PRPF31: variants seen among roughly 807,000 people sequenced by gnomAD.
The protein encoded by PRPF31 is pre-mRNA processing factor 31.
A neutral mutation model predicts 60.4 loss-of-function variants in PRPF31; 12 were observed. That is an observed-to-expected ratio of 0.20 (90% CI 0.13 to 0.32). PRPF31 has a LOEUF of 0.32. Ranked by LOEUF, PRPF31 falls within the 10% of genes least tolerant of loss-of-function variation. The pLI, the probability that PRPF31 is intolerant of heterozygous loss-of-function variation, is 1.00. For missense variants in PRPF31, 431 were observed against 687.1 expected, an observed-to-expected ratio of 0.63 and a Z score of 4.17; for synonymous variants, 287 against 287.9, an observed-to-expected ratio of 1.00 and a Z score of 0.03.
At chr19:54,121,501 T>C (rs2073788328) in intron 3 of PRPF31, among the ~76,000 whole-genome samples, 1 of 152,082 alleles carries the variant, frequency 6.6e-6, no homozygotes, top group Admixed American at 6.6e-5. Context: ...GGTACTCGGC[T>C]GTGGGTACAG....
intron 11 of PRPF31, among the ~76,000 whole-genome samples, chr19:54,128,673 C>T (rs1390460101): frequency 3.3e-5 from 5 of 152,094 alleles, no homozygotes; most frequent in African/African-American, 7.2e-5. Context: ...GCTGCACGGC[C>T]GCCCCGTCCC....
rs779761757 is a variant in PRPF31, at chr19:54,121,876, G to A, written c.255G>A (p.Glu85=). 3 of 1,611,946 alleles carry A rather than the reference G, an allele frequency of 1.9e-6. No homozygotes were observed. Among genetic ancestry groups the A allele is most frequent in the Admixed American group, 1.7e-5 (1 of 59,758 alleles). The stretch of plus-strand genomic sequence containing the variant: ...TCCTCACAGTGATGGGACCAGTGGA[G>A]GCCGCGCCTGAATACCGCGTCATCG... ...AKASEVMGPV[E]AAPEYRVIVD... The change falls in exon 4 of 14, where the codon GAG becomes GAA. Residue 85 remains glutamate, a synonymous_variant. Coordinates refer to ENST00000321030, the MANE Select transcript of PRPF31 (RefSeq NM_015629.4).
At chr19:54,129,582 C>T (rs1029683089) in intron 13 of PRPF31, among the ~76,000 whole-genome samples, 3 of 145,110 alleles carry the variant, frequency 2.1e-5, no homozygotes, top group African/African-American at 7.6e-5. Flanking sequence ...CTCGTGAGCA[C>T]GCACTGCTTT....
chr19:54,130,235 T>C (rs254249), intron 13 of PRPF31, among the ~76,000 whole-genome samples: 50 of 101,952 alleles, frequency 4.9e-4, no homozygotes, highest in African/African-American at 1.5e-3. Flanking sequence ...AATGCCAGGC[T>C]GGGCGCAGAC....
intron 8 of PRPF31, 79 bp downstream of exon 8, chr19:54,124,735 C>T (rs2073879271): frequency 2.0e-6 from 3 of 1,502,558 alleles, no homozygotes; most frequent in Non-Finnish European, 2.7e-6. Flanking sequence ...AGCAGCCACC[C>T]ACCATCTGGC....
At chr19:54,124,246 CGTG>C in intron 7 of PRPF31, 4 of 633,316 alleles carry the variant, frequency 6.3e-6, no homozygotes, top group Admixed American at 2.9e-5. Flanking sequence ...TTAGCACAAA[CGTG>C]GTGGTCAGCT....
chr19:54,120,487 G>A (rs757111708), intron 3 of PRPF31: 22 of 152,240 alleles, frequency 1.4e-4, no homozygotes, highest in Non-Finnish European at 2.2e-4. Flanking sequence ...AGAGCCATTT[G>A]AGCATCAGGG....
chr19:54,119,890 C>T (rs1191818426), intron 3 of PRPF31: 1 of 152,166 alleles, frequency 6.6e-6, no homozygotes. Flanking sequence ...TTTCGGGAGA[C>T]TCACTGCTTG....
chr19:54,131,237 G>A, intron 13 of PRPF31, 70 bp from the exon 14 acceptor site: 3 of 1,590,616 alleles, frequency 1.9e-6, no homozygotes, highest in East Asian at 4.5e-5. Context: ...GGGCCTGGGG[G>A]GCTCTGATGG....
chr19:54,120,206 TCCAGATG>T (rs1277630157), intron 3 of PRPF31: 1 of 152,142 alleles, frequency 6.6e-6, no homozygotes, highest in African/African-American at 2.4e-5. Flanking sequence ...CCTGCAGAGT[TCCAGATG>T]CCAGGCCAAG....
chr19:54,124,419 A>C, intron 7 of PRPF31, 80 bp from the exon 8 acceptor site: 2 of 1,260,848 alleles, frequency 1.6e-6, no homozygotes, highest in Non-Finnish European at 2.3e-6. Flanking sequence ...GCACACGTCG[A>C]GCCCCCAGGC....
chr19:54,128,449 G>A (rs1225118693), intron 11 of PRPF31, 72 bp downstream of exon 11: 18 of 1,425,984 alleles, frequency 1.3e-5, no homozygotes, highest in South Asian at 3.7e-5. Flanking sequence ...TCCTGCCACC[G>A]CCCCTCCTCT....
At chr19:54,126,368 T>C (rs762084863) in intron 8 of PRPF31, 160 bp from the exon 9 acceptor site, 1 of 699,512 alleles carries the variant, frequency 1.4e-6, no homozygotes, top group Non-Finnish European at 2.6e-6. Flanking sequence ...CCTCTTCCTG[T>C]GAAGTAGGAG....
chr19:54,122,390 A>G lies in PRPF31; in HGVS notation c.323-107A>G, dbSNP rs2146412529. On this transcript the variant is annotated intron_variant, in intron 4 of 13. Transcript: ENST00000321030. ...GCTGGTGCCCGTGTGCCAGGCCACA[A>G]GCCAGGGCTTCAGTTACTAAAGGAA... The G allele has an allele frequency of 6.8e-6, 6 of 884,314 alleles. No homozygotes were observed. The East Asian group carries it at 1.4e-4, about 21-fold the overall frequency. The allele number at this position is 884,314 out of a possible 1,614,324, so 54.8% of individuals were successfully genotyped here. A position where few individuals can be genotyped will look rare whatever the true frequency, so the allele number is the denominator to read the frequency against.
intron 13 of PRPF31, among the ~76,000 whole-genome samples, chr19:54,131,096 C>G (rs1407420209): frequency 1.3e-5 from 2 of 152,146 alleles, no homozygotes; most frequent in Non-Finnish European, 2.9e-5. Context: ...GAACTTCGTA[C>G]AAATCCAGGC....
At chr19:54,130,806 C>T (rs963781021) in intron 13 of PRPF31, among the ~76,000 whole-genome samples, 3 of 152,100 alleles carry the variant, frequency 2.0e-5, no homozygotes, top group East Asian at 1.9e-4. Flanking sequence ...CTGAAAAGAA[C>T]GCACAGGAAG....
chr19:54,123,164 C>G, intron 5 of PRPF31: 1 of 561,402 alleles, frequency 1.8e-6, no homozygotes, highest in Non-Finnish European at 3.2e-6. Flanking sequence ...ATTTGCACTC[C>G]GACTTGACGC....
At chr19:54,122,990 T>A in intron 5 of PRPF31, 1 of 448,666 alleles carries the variant, frequency 2.2e-6, no homozygotes, top group South Asian at 2.1e-5. Context: ...GGGGAAGAGG[T>A]CGGATCACGT....
Position 54,128,285 on chromosome 19 carries a change from G to GCCCCCCC in PRPF31, c.1074-17_1074-16insCCCCCCC. ...TCCTCCCAGCCGACTCCCTGGCGCC[G>GCCCCCCC]CCCACCCACCCGTCCCCAGGTACCG... is the stretch of plus-strand genomic sequence containing the variant. On this transcript the variant is annotated intron_variant, in intron 10 of 13. Transcript: ENST00000321030. 1.9e-6 allele frequency: 3 copies of GCCCCCCC among 1,540,450 alleles called. No individual in the cohort carries two copies. Among genetic ancestry groups the GCCCCCCC allele is most frequent in the South Asian group, 1.2e-5 (1 of 83,838 alleles).
Sources: gnomAD v4.1 joint callset for allele counts (sites outside exome capture counted in the v4.1 genomes callset) on GRCh38, gnomAD v4.1.1 for gene constraint, MANE v1.5 for transcripts, NCBI Gene and HGNC (gene_info 2026-07-23, HGNC 2026-07-21) for gene names.